ESF1: variants seen among roughly 807,000 people sequenced by gnomAD.
ESF1 encodes the protein ESF1 nucleolar pre-rRNA processing protein.
A neutral mutation model predicts 92.0 loss-of-function variants in ESF1; 58 were observed. The observed-to-expected ratio is 0.63, with a 90% CI of 0.51 to 0.78. The LOEUF (loss-of-function observed/expected upper bound fraction) is 0.78. Among genes scored for constraint, ESF1 ranks in the 30% least tolerant of loss-of-function variants. ESF1 has a pLI of 0.00. For missense variants in ESF1, 922 were observed against 989.1 expected, an observed-to-expected ratio of 0.93 and a Z score of 0.91; for synonymous variants, 321 against 313.7, an observed-to-expected ratio of 1.02 and a Z score of -0.24.
chr20:13,760,272 G>T (rs1600285718), intron 8 of ESF1, among the ~76,000 whole-genome samples: 2 of 151,048 alleles, frequency 1.3e-5, no homozygotes, highest in Admixed American at 6.6e-5. Flanking sequence ...AAAGTGAGGA[G>T]CGTCTCTGCC....
rs111798316 is a variant in ESF1, at chr20:13,724,989, G to A, written c.2038+3389C>T. On this transcript the variant is annotated intron_variant, in intron 11 of 13. Transcript: ENST00000617257. The stretch of plus-strand genomic sequence containing the variant: ...CTCTTGCCACATGTTCTATGGTTTT[G>A]TATCTGGCCTGGCCTTCAAATTTAT... 7.2e-4 allele frequency among the ~76,000 whole-genome samples: 109 copies of A among 152,244 alleles called. 1 individual carries two copies. Among genetic ancestry groups the A allele is most frequent in the African/African-American group, 2.4e-3 (101 of 41,546 alleles).
intron 9 of ESF1, among the ~76,000 whole-genome samples, chr20:13,744,684 A>C (rs1330990555): frequency 6.6e-6 from 1 of 152,146 alleles, no homozygotes; most frequent in African/African-American, 2.4e-5. Flanking sequence ...CTCTCCCTGA[A>C]ATGCTCTTTC....
At chr20:13,780,405 G>A (rs968410002) in intron 2 of ESF1, among the ~76,000 whole-genome samples, 3 of 152,112 alleles carry the variant, frequency 2.0e-5, no homozygotes, top group Non-Finnish European at 4.4e-5. Flanking sequence ...CTTTGCTGCC[G>A]GTCCCACTCC....
At chr20:13,764,924 A>C (rs560048205) in intron 8 of ESF1, among the ~76,000 whole-genome samples, 3 of 151,958 alleles carry the variant, frequency 2.0e-5, no homozygotes, top group African/African-American at 4.8e-5. Context: ...CATTAAAAAA[A>C]AAAAAACAAA....
In ESF1 at chr20:13,784,896, A is replaced by G; in HGVS notation, c.-60T>C. On this transcript the variant is annotated 5_prime_UTR_variant, in exon 1 of 14. Transcript: ENST00000617257. ...CCCACTCACCGTCCGCAGTCCTACCAAGCCTCACGTGGGGCTCACACCCAC... is the reference window on the plus strand; with the variant it reads ...CCCACTCACCGTCCGCAGTCCTACCGAGCCTCACGTGGGGCTCACACCCAC... 1.6e-6 allele frequency: 1 copy of G among 631,386 alleles called. No homozygotes were observed. Among genetic ancestry groups the G allele is most frequent in the Non-Finnish European group, 2.8e-6 (1 of 361,448 alleles). 39.1% of individuals were successfully genotyped at this position (631,386 alleles called of 1,614,324 possible).
At chr20:13,729,721 C>A (rs967610955) in intron 10 of ESF1, among the ~76,000 whole-genome samples, 1 of 152,286 alleles carries the variant, frequency 6.6e-6, no homozygotes, top group East Asian at 1.9e-4. Context: ...CTGTTCTCAT[C>A]GCCCAATTTT....
At chr20:13,720,313 C>T (rs778841401) in intron 11 of ESF1, among the ~76,000 whole-genome samples, 3 of 152,100 alleles carry the variant, frequency 2.0e-5, no homozygotes, top group Non-Finnish European at 2.9e-5. Flanking sequence ...TGTTTGACCA[C>T]CTAGAGAGCC....
intron 7 of ESF1, among the ~76,000 whole-genome samples, chr20:13,769,063 CT>C: frequency 6.6e-6 from 1 of 152,270 alleles, no homozygotes; most frequent in East Asian, 1.9e-4. Context: ...TTTGAATCAT[CT>C]GCAGAAAAAG....
At chr20:13,765,647 C>T (rs1002866693) in intron 8 of ESF1, among the ~76,000 whole-genome samples, 1 of 152,166 alleles carries the variant, frequency 6.6e-6, no homozygotes, top group African/African-American at 2.4e-5. Flanking sequence ...GGGATATACT[C>T]CCAGGGAAAT....
chr20:13,722,804 T>C (rs1211643405), intron 11 of ESF1, among the ~76,000 whole-genome samples: 1 of 150,700 alleles, frequency 6.6e-6, no homozygotes, highest in Admixed American at 6.6e-5. Context: ...CAGTGAGCCA[T>C]AATAGCACCA....
intron 3 of ESF1, 97 bp from the exon 4 acceptor site, chr20:13,775,367 G>A: frequency 1.3e-6 from 1 of 751,320 alleles, no homozygotes; most frequent in Non-Finnish European, 2.1e-6. Flanking sequence ...TGTCCCCTAT[G>A]CTCTGAAATT....
intron 7 of ESF1, among the ~76,000 whole-genome samples, chr20:13,767,357 T>C (rs1270201981): frequency 6.6e-6 from 1 of 151,938 alleles, no homozygotes; most frequent in Non-Finnish European, 1.5e-5. Context: ...TAAAACCCCA[T>C]CTCTACATGA....
chr20:13,720,969 A>G (rs1318397418), intron 11 of ESF1, among the ~76,000 whole-genome samples: 3 of 152,186 alleles, frequency 2.0e-5, no homozygotes, highest in Non-Finnish European at 4.4e-5. Context: ...AATAATACAA[A>G]AAAATTAGCC....
intron 2 of ESF1, among the ~76,000 whole-genome samples, chr20:13,779,555 G>A (rs973848484): frequency 1.3e-5 from 2 of 152,018 alleles, no homozygotes; most frequent in African/African-American, 4.8e-5. Flanking sequence ...CATTTTTTGA[G>A]ACAAGGTCTT....
chr20:13,756,788 T>A (rs1227008130), intron 9 of ESF1, among the ~76,000 whole-genome samples: 1 of 152,214 alleles, frequency 6.6e-6, no homozygotes, highest in Non-Finnish European at 1.5e-5. Flanking sequence ...CAGCTTCTCA[T>A]TGTGGCCTGG....
chr20:13,775,887 G>T lies in ESF1; in HGVS notation c.1021C>A (p.Pro341Thr), dbSNP rs752608133. The T allele has an allele frequency of 3.7e-6, 6 of 1,607,130 alleles. No individual in the cohort carries two copies. Among genetic ancestry groups the T allele is most frequent in the Non-Finnish European group, 4.2e-6 (5 of 1,177,020 alleles). ...CAAAAGGTTACCTCATCAGCACGAG[G>T]AGCATCTTTATCTAATTCTCTCCAA... The part of the protein sequence containing the change: ...HAWRELDKDA[P>T]RADEITRRLA... The change falls in exon 3 of 14, where the codon CCT (proline) becomes ACT (threonine). Residue 341 changes from proline (P) to threonine (T), a missense_variant. Pro to Thr is a conservative substitution (Grantham distance 38). Transcript: ENST00000617257.
Position 13,735,125 on chromosome 20 carries a change from C to T in ESF1, c.1829-1283G>A, listed in dbSNP as rs533082259. Among the ~76,000 whole-genome samples, 70 of 152,086 alleles carry T rather than the reference C, an allele frequency of 4.6e-4. 3 individuals are homozygous for T. The highest frequency in any genetic ancestry group is 4.1e-3 in the Admixed American group (62 of 15,258). ...CCTTTCCTCCCACGTGCACTGATTTCCCCCCCTCAAAACATTTGGTAAAAG... is the reference window on the plus strand; with the variant it reads ...CCTTTCCTCCCACGTGCACTGATTTTCCCCCCTCAAAACATTTGGTAAAAG... On this transcript the variant is annotated intron_variant, in intron 9 of 13. Transcript: ENST00000617257.
chr20:13,739,865 C>T (rs2049999872), intron 9 of ESF1, among the ~76,000 whole-genome samples: 1 of 151,984 alleles, frequency 6.6e-6, no homozygotes, highest in Non-Finnish European at 1.5e-5. Flanking sequence ...AGCCAGCACA[C>T]AGAGTTTGAA....
chr20:13,754,406 C>CT (rs958365751), intron 9 of ESF1, among the ~76,000 whole-genome samples: 2 of 152,146 alleles, frequency 1.3e-5, no homozygotes, highest in South Asian at 2.1e-4. Context: ...TTGAACCTTT[C>CT]TTTTTTACCT....
Sources: gnomAD v4.1 joint callset for allele counts (sites outside exome capture counted in the v4.1 genomes callset) on GRCh38, gnomAD v4.1.1 for gene constraint, MANE v1.5 for transcripts, NCBI Gene and HGNC (gene_info 2026-07-23, HGNC 2026-07-21) for gene names.